Variants in BRSK2 observed in about 807,000 individuals in gnomAD.
BRSK2 encodes BR serine/threonine kinase 2.
BRSK2 carries 19 observed loss-of-function variants against 83.3 expected under a neutral mutation model. The observed-to-expected ratio is 0.23, with a 90% CI of 0.16 to 0.33. The LOEUF (loss-of-function observed/expected upper bound fraction) is 0.33, where lower values mean the gene tolerates loss of function less well. BRSK2 is among the 10% of genes least tolerant of loss of function. BRSK2 has a pLI of 1.00. For synonymous variants in BRSK2, 519 were observed against 435.4 expected (o/e 1.19, Z -2.39); for missense variants, 798 against 1,042.3 (o/e 0.77, Z 3.23).
chr11:1,402,679 G>A (rs559295015), intron 1 of BRSK2, among the ~76,000 whole-genome samples: 143 of 152,328 alleles, frequency 9.4e-4, no homozygotes, highest in South Asian at 1.0e-3. Flanking sequence ...CACTGGCAGA[G>A]GGCCAGGACT....
chr11:1,453,369 T>C (rs1026466877), intron 15 of BRSK2, among the ~76,000 whole-genome samples: 7 of 152,234 alleles, frequency 4.6e-5, no homozygotes, highest in African/African-American at 1.4e-4. Flanking sequence ...GTTTGTACCA[T>C]CTGTCCTGTC....
intron 15 of BRSK2, 104 bp downstream of exon 15, chr11:1,451,523 G>A (rs991008228): frequency 8.3e-5 from 102 of 1,236,262 alleles, no homozygotes; most frequent in Middle Eastern, 3.9e-4. Flanking sequence ...CCTTCTCCAC[G>A]TGGCCCCACC....
rs2133296932 is a variant in BRSK2, at chr11:1,459,192, A to C, written c.1940A>C (p.Asp647Ala). The C allele has an allele frequency of 1.2e-6, 2 of 1,613,744 alleles. No homozygotes were observed. The highest frequency in any genetic ancestry group is 1.1e-5 in the South Asian group (1 of 91,078). Reference protein sequence around the residue: ...HDPPAAQHLSDTTNCMEMMTG... With the variant: ...HDPPAAQHLSATTNCMEMMTG... The stretch of plus-strand genomic sequence containing the variant: ...CTCCTCTCTCCATTCTGTACTCCAG[A>C]CACCACTAACTGTATGGAAATGATG... The change falls in exon 19 of 20, where the codon GAC (aspartate) becomes GCC (alanine). Residue 647 changes from aspartate (D) to alanine (A), a missense_variant and splice_region_variant. Coordinates refer to ENST00000528841, the MANE Select transcript of BRSK2 (RefSeq NM_001256627.2).
intron 18 of BRSK2, among the ~76,000 whole-genome samples, chr11:1,457,672 TCTCAGCAG>T (rs1221795239): frequency 6.6e-6 from 1 of 152,098 alleles, no homozygotes; most frequent in African/African-American, 2.4e-5. Flanking sequence ...CCAGCCTGCA[TCTCAGCAG>T]CTCCGTGGCA....
intron 4 of BRSK2, 46 bp downstream of exon 4, chr11:1,440,974 ACCCAGTGCGCTACCACAGATGCC>A (rs747238967): frequency 6.9e-7 from 1 of 1,452,756 alleles, no homozygotes; most frequent in South Asian, 1.2e-5. Context: ...GGACCCCCAC[ACCCAGTGCGCTACCACAGATGCC>A]CCCTGTGCCC....
intron 1 of BRSK2, among the ~76,000 whole-genome samples, chr11:1,426,713 G>A (rs1392336949): frequency 6.6e-6 from 1 of 152,158 alleles, no homozygotes; most frequent in Admixed American, 6.5e-5. Flanking sequence ...CTGGCAACGG[G>A]GGTGGGGGCA....
At chr11:1,455,489 G>A (rs867940456) in intron 16 of BRSK2, among the ~76,000 whole-genome samples, 61 of 152,032 alleles carry the variant, frequency 4.0e-4, no homozygotes, top group African/African-American at 1.4e-3. Context: ...CTGCCCCCGG[G>A]CACTCAGGCC....
rs1183797059 is a variant in BRSK2 at position 1,423,337 on chromosome 11, C to T, written c.92-12703C>T. ...GGGTGAGTTCGAGACCTCGTAAATA[C>T]TTCAGTGCAGAGCCTTCAGTTAGGA... On this transcript the variant is annotated intron_variant, in intron 1 of 19. Transcript: ENST00000528841. The surrounding 1 kb of genome is among the most constrained non-coding windows in gnomAD (Gnocchi z 6.5). 2.0e-5 allele frequency among the ~76,000 whole-genome samples: 3 copies of T among 152,282 alleles called. No individual in the cohort carries two copies. The highest frequency in any genetic ancestry group is 2.1e-4 in the South Asian group (1 of 4,826).
In BRSK2 at chr11:1,396,603, G is replaced by A. The variant is rs148541859; in HGVS notation, c.91+6228G>A. ...CCACTGGCGCTCAGGAGGAGCCGTC[G>A]GGAAGGCCCCTTTGCCATCACCTGG... is the stretch of plus-strand genomic sequence containing the variant. On this transcript the variant is annotated intron_variant, in intron 1 of 19. Transcript: ENST00000528841. Among the ~76,000 whole-genome samples the A allele has an allele frequency of 3.3e-4, 51 of 152,314 alleles. No homozygotes were observed. The East Asian group carries it at 8.9e-3, about 27-fold the overall frequency.
chr11:1,436,201 GAGCCAAGGTT>G, intron 2 of BRSK2, 67 bp downstream of exon 2: 2 of 592,962 alleles, frequency 3.4e-6, no homozygotes, highest in South Asian at 3.5e-5. Flanking sequence ...ACAGGGGTGG[GAGCCAAGGTT>G]GTGGGGACCT....
intron 1 of BRSK2, among the ~76,000 whole-genome samples, chr11:1,407,331 A>G (rs780997440): frequency 3.4e-4 from 52 of 151,982 alleles, no homozygotes; most frequent in Non-Finnish European, 5.9e-4. Context: ...GCTGCCCCCT[A>G]TGCCCTCTGG....
intron 1 of BRSK2, among the ~76,000 whole-genome samples, chr11:1,426,780 C>G (rs902388722): frequency 5.9e-5 from 9 of 152,066 alleles, no homozygotes; most frequent in African/African-American, 2.2e-4. Context: ...GGTGCAGACA[C>G]AGGATGTGGC....
intron 1 of BRSK2, among the ~76,000 whole-genome samples, chr11:1,434,358 G>A (rs923754660): frequency 6.7e-6 from 1 of 150,374 alleles, no homozygotes; most frequent in Non-Finnish European, 1.5e-5. Context: ...CTGCGTGTCT[G>A]GGGGCACCTA....
At chr11:1,459,056 T>A in intron 18 of BRSK2, 136 bp from the exon 19 acceptor site, 5 of 674,042 alleles carry the variant, frequency 7.4e-6, no homozygotes, top group Non-Finnish European at 1.3e-5. Context: ...CCCCCCAGTA[T>A]TCCCCACCCA....
rs748766791 is a variant in BRSK2, at chr11:1,456,486, A to G, written c.1807A>G (p.Lys603Glu). 2.5e-6 allele frequency: 4 copies of G among 1,575,534 alleles called. No homozygotes were observed. Among genetic ancestry groups the G allele is most frequent in the Admixed American group, 3.6e-5 (2 of 55,536 alleles). ...CTACACGGAGGGTGGGGAGGCGCAG[A>G]AGGAGAACGGCATCTACTCCGTCAC... ...ITYTEGGEAQ[K>E]ENGIYSVTFT... Residue 603 changes from lysine (K) to glutamate (E), a missense_variant, in exon 17 of 20, where the codon AAG becomes GAG. Around this residue, in one of 6 missense-constraint regions of BRSK2, gnomAD observed 455 missense variants for 455.2 expected, o/e 1.00. Coordinates refer to ENST00000528841, the MANE Select transcript of BRSK2 (RefSeq NM_001256627.2).
At chr11:1,443,468 C>A (rs779416076) in intron 7 of BRSK2, 21 bp from the exon 8 acceptor site, 2 of 1,578,786 alleles carry the variant, frequency 1.3e-6, no homozygotes, top group Non-Finnish European at 1.7e-6. Flanking sequence ...CACGCTGACC[C>A]CCACACCCGG....
intron 1 of BRSK2, among the ~76,000 whole-genome samples, chr11:1,412,784 A>T (rs374388637): frequency 6.7e-6 from 1 of 149,562 alleles, no homozygotes; most frequent in South Asian, 2.1e-4. Flanking sequence ...CTGGCTGCAC[A>T]GATCAACCCA....
chr11:1,443,651 G>C lies in BRSK2; in HGVS notation c.780+16G>C. 3.8e-6 allele frequency: 6 copies of C among 1,572,008 alleles called. No individual in the cohort carries two copies. Among genetic ancestry groups the C allele is most frequent in the Non-Finnish European group, 3.4e-6 (4 of 1,161,176 alleles). On this transcript the variant is annotated intron_variant, in intron 8 of 19. Transcript: ENST00000528841. ...CCGCCTCACGGTGCGTGCCCTCGGA[G>C]CGGGGCGGCCCCAGAGCGTGGCGGG...
chr11:1,460,453 CTTTTTTCCTTT>C (rs1847300718), intron 19 of BRSK2, 36 bp from the exon 20 acceptor site: 2 of 1,143,920 alleles, frequency 1.7e-6, no homozygotes, highest in Non-Finnish European at 1.1e-6. Context: ...CCTTTTTTTT[CTTTTTTCCTTT>C]TTTTTTTTTT....
Sources: allele counts gnomAD v4.1 joint callset (sites outside exome capture counted in the v4.1 genomes callset), GRCh38; gene constraint gnomAD v4.1.1; regional missense constraint gnomAD v4.1.1; non-coding constraint Gnocchi (gnomAD v3.1); transcripts MANE v1.5; gene names NCBI Gene and HGNC (gene_info 2026-07-23, HGNC 2026-07-21).